The following MAGI2 variants were observed in gnomAD, a reference collection of about 807,000 sequenced individuals.
The protein encoded by MAGI2 is membrane-associated guanylate kinase, WW and PDZ domain-containing protein 2.
A neutral mutation model predicts 133.3 loss-of-function variants in MAGI2; 35 were observed. The ratio of observed to expected loss-of-function variants is 0.26; its 90% CI spans 0.20 to 0.35. The LOEUF (loss-of-function observed/expected upper bound fraction) is 0.35. Among genes scored for constraint, MAGI2 ranks in the 10% least tolerant of loss-of-function variants. The probability of loss-of-function intolerance (pLI) is 1.00; values close to 1 mark genes in which losing one functional copy is unlikely to be tolerated. For missense variants in MAGI2, 1,636 were observed against 1,863.4 expected (o/e 0.88, Z 2.25); for synonymous variants, 729 against 710.6 (o/e 1.03, Z -0.41).
At chr7:78,826,119 G>A (rs1459286316) in intron 2 of MAGI2, among the ~76,000 whole-genome samples, 4 of 151,990 alleles carry the variant, frequency 2.6e-5, no homozygotes, top group South Asian at 2.1e-4. Context: ...TTGGGAGGCC[G>A]AGGCGGGCAG....
At chr7:78,786,680 C>T (rs1203274341) in intron 2 of MAGI2, among the ~76,000 whole-genome samples, 1 of 152,182 alleles carries the variant, frequency 6.6e-6, no homozygotes, top group African/African-American at 2.4e-5. Flanking sequence ...TTTACCTTCT[C>T]CCTCCTCTCC....
At chr7:78,767,084 G>A (rs2151311496) in intron 2 of MAGI2, among the ~76,000 whole-genome samples, 1 of 152,028 alleles carries the variant, frequency 6.6e-6, no homozygotes, top group African/African-American at 2.4e-5. Context: ...CTGCCTCCCA[G>A]GTTCAAGCAA....
intron 6 of MAGI2, among the ~76,000 whole-genome samples, chr7:78,439,537 G>C (rs560816329): frequency 1.3e-5 from 2 of 152,070 alleles, no homozygotes; most frequent in Non-Finnish European, 2.9e-5. Context: ...TGAGGAGGGG[G>C]CACAGCAAGA....
chr7:78,739,820 C>T (rs1822219369), intron 2 of MAGI2, among the ~76,000 whole-genome samples: 1 of 152,102 alleles, frequency 6.6e-6, no homozygotes, highest in Non-Finnish European at 1.5e-5. Flanking sequence ...TCCCTCTTCA[C>T]GTCGGTAAGC....
chr7:78,461,076 T>C (rs550518899), intron 6 of MAGI2, among the ~76,000 whole-genome samples: 4 of 152,090 alleles, frequency 2.6e-5, no homozygotes, highest in East Asian at 1.9e-4. Context: ...CATCCCCCCA[T>C]TGAGTTTTTT....
intron 2 of MAGI2, among the ~76,000 whole-genome samples, chr7:78,954,573 A>G (rs1191198026): frequency 6.6e-6 from 1 of 151,146 alleles, no homozygotes; most frequent in Middle Eastern, 3.4e-3. Context: ...GTGGATCGAC[A>G]ATATGCCCTG....
chr7:78,096,821 A>G (rs1817733888), intron 20 of MAGI2, among the ~76,000 whole-genome samples: 1 of 152,220 alleles, frequency 6.6e-6, no homozygotes, highest in Non-Finnish European at 1.5e-5. Context: ...AAATTGACAA[A>G]TGGGATCTAA....
chr7:78,428,638 T>C (rs1011789987), intron 6 of MAGI2, among the ~76,000 whole-genome samples: 1 of 152,194 alleles, frequency 6.6e-6, no homozygotes, highest in Non-Finnish European at 1.5e-5. Context: ...TTAAGGCTGG[T>C]GCCTTTACTT....
intron 1 of MAGI2, among the ~76,000 whole-genome samples, chr7:79,365,259 G>T (rs978438747): frequency 1.3e-5 from 2 of 152,162 alleles, no homozygotes; most frequent in Non-Finnish European, 2.9e-5. Flanking sequence ...AGAATGTGGA[G>T]AACTGAATCA....
intron 1 of MAGI2, among the ~76,000 whole-genome samples, chr7:79,136,860 G>A (rs1342651892): frequency 6.6e-6 from 1 of 152,204 alleles, no homozygotes. Flanking sequence ...AACTTGAACA[G>A]GGAGGAGGAC....
At position 78,270,148 on chromosome 7, in the gene MAGI2, A is replaced by C. The variant is rs532039318; in HGVS notation, c.1409-13567T>G. Among the ~76,000 whole-genome samples the C allele has an allele frequency of 3.3e-5, 5 of 152,264 alleles. 1 individual carries two copies. The South Asian group carries it at 1.0e-3, about 32-fold the overall frequency. Reference sequence around the variant, plus strand: ...ATGTATCTGTTTTGGTACCAGTACCATGCTGTTTGTGTTAATGTAGCCTTG... The same window carrying C: ...ATGTATCTGTTTTGGTACCAGTACCCTGCTGTTTGTGTTAATGTAGCCTTG... On this transcript the variant is annotated intron_variant, in intron 9 of 21. Coordinates refer to ENST00000354212, the MANE Select transcript of MAGI2 (RefSeq NM_012301.4).
intron 9 of MAGI2, among the ~76,000 whole-genome samples, chr7:78,289,372 T>A (rs2151034668): frequency 6.6e-6 from 1 of 152,078 alleles, no homozygotes; most frequent in South Asian, 2.1e-4. Flanking sequence ...GAAGATCAAA[T>A]GAATGAAATG....
chr7:78,123,751 A>G (rs1307701998), intron 20 of MAGI2, among the ~76,000 whole-genome samples: 1 of 152,202 alleles, frequency 6.6e-6, no homozygotes, highest in Non-Finnish European at 1.5e-5. Context: ...TGACACAGGT[A>G]TCTATAATAA....
intron 3 of MAGI2, among the ~76,000 whole-genome samples, chr7:78,573,245 T>TATATAAAA (rs1354079193): frequency 1.9e-5 from 1 of 52,434 alleles, no homozygotes; most frequent in Non-Finnish European, 3.1e-5. Context: ...TATATATATA[T>TATATAAAA]AAATATATAT....
chr7:79,423,160 A>G (rs2129181075), intron 1 of MAGI2, among the ~76,000 whole-genome samples: 1 of 152,140 alleles, frequency 6.6e-6, no homozygotes, highest in South Asian at 2.1e-4. Context: ...AAATAAATAT[A>G]CGTATTGGTA....
chr7:79,144,162 C>A (rs544824164), intron 1 of MAGI2, among the ~76,000 whole-genome samples: 1 of 152,256 alleles, frequency 6.6e-6, no homozygotes, highest in Non-Finnish European at 1.5e-5. Context: ...CACAGCAGTG[C>A]TAGGCACATA....
chr7:79,050,675 A>C (rs1049660797), intron 1 of MAGI2, among the ~76,000 whole-genome samples: 1 of 152,110 alleles, frequency 6.6e-6, no homozygotes, highest in Non-Finnish European at 1.5e-5. Flanking sequence ...GAGCCATTGC[A>C]CCCAGCCTCA....
intron 2 of MAGI2, among the ~76,000 whole-genome samples, chr7:78,873,925 T>G (rs1795222865): frequency 6.6e-6 from 1 of 151,956 alleles, no homozygotes; most frequent in African/African-American, 2.4e-5. Flanking sequence ...AAAAAAAAAG[T>G]CATTAATTAT....
chr7:79,190,632 C>CA (rs1242157485), intron 1 of MAGI2, among the ~76,000 whole-genome samples: 4 of 151,778 alleles, frequency 2.6e-5, no homozygotes, highest in African/African-American at 9.7e-5. Context: ...ATACATATTG[C>CA]AAACACTCTT....
Sources: gnomAD v4.1 joint callset for allele counts (sites outside exome capture counted in the v4.1 genomes callset) on GRCh38, gnomAD v4.1.1 for gene constraint, MANE v1.5 for transcripts, NCBI Gene and HGNC (gene_info 2026-07-23, HGNC 2026-07-21) for gene names.